GRIK1: variants seen among roughly 807,000 people sequenced by gnomAD.
The protein encoded by GRIK1 is glutamate ionotropic receptor kainate type subunit 1.
GRIK1 carries 69 observed loss-of-function variants against 105.7 expected under a neutral mutation model. The observed-to-expected ratio is 0.65, with a 90% confidence interval of 0.54 to 0.80. GRIK1 has a LOEUF of 0.80. Ranked by LOEUF, GRIK1 falls within the 30% of genes least tolerant of loss-of-function variation. The pLI is 0.00. For synonymous variants in GRIK1, 438 were observed against 431.3 expected (o/e 1.02, Z -0.19); for missense variants, 1,109 against 1,167.3 (o/e 0.95, Z 0.73).
intron 1 of GRIK1, among the ~76,000 whole-genome samples, chr21:29,924,350 A>G (rs1000342122): frequency 2.0e-5 from 3 of 150,414 alleles, no homozygotes; most frequent in South Asian, 4.2e-4. Context: ...AAAAAAAAAG[A>G]AAAAAAAGAA....
intron 4 of GRIK1, among the ~76,000 whole-genome samples, chr21:29,672,542 T>C (rs570375435): frequency 6.6e-6 from 1 of 152,314 alleles, no homozygotes; most frequent in African/African-American, 2.4e-5. Flanking sequence ...CCTGTATACC[T>C]TTTTTATTGT....
chr21:29,736,787 C>T (rs2064802806), intron 1 of GRIK1, among the ~76,000 whole-genome samples: 1 of 151,094 alleles, frequency 6.6e-6, no homozygotes. Context: ...AAGCAATTCT[C>T]CTGCCTCAGT....
chr21:29,899,541 C>CTT (rs59280454), intron 1 of GRIK1, among the ~76,000 whole-genome samples: 2 of 146,230 alleles, frequency 1.4e-5, no homozygotes, highest in Admixed American at 6.9e-5. Flanking sequence ...GCTGCTTTAC[C>CTT]TTTTTTTTTT....
At chr21:29,689,285 C>T (rs1391423555) in intron 3 of GRIK1, among the ~76,000 whole-genome samples, 1 of 152,150 alleles carries the variant, frequency 6.6e-6, no homozygotes, top group South Asian at 2.1e-4. Context: ...ATAATCCACT[C>T]TATTGGTACA....
At chr21:29,702,499 G>T (rs1263284160) in intron 1 of GRIK1, among the ~76,000 whole-genome samples, 1 of 151,684 alleles carries the variant, frequency 6.6e-6, no homozygotes, top group Non-Finnish European at 1.5e-5. Flanking sequence ...GTCACTTGAG[G>T]TCAGGAGTTT....
intron 1 of GRIK1, among the ~76,000 whole-genome samples, chr21:29,734,404 TTC>T (rs1296314721): frequency 5.0e-5 from 2 of 40,298 alleles, no homozygotes; most frequent in Non-Finnish European, 1.2e-4. Flanking sequence ...TTCTTTTCTT[TTC>T]TTTTCTTTTC....
intron 12 of GRIK1, among the ~76,000 whole-genome samples, chr21:29,586,299 T>G (rs2091129918): frequency 6.6e-6 from 1 of 152,214 alleles, no homozygotes; most frequent in Non-Finnish European, 1.5e-5. Flanking sequence ...GAGCACATGT[T>G]GATTCAGTTT....
At chr21:29,816,202 A>G (rs2067150329) in intron 1 of GRIK1, among the ~76,000 whole-genome samples, 1 of 152,118 alleles carries the variant, frequency 6.6e-6, no homozygotes, top group Non-Finnish European at 1.5e-5. Context: ...AATATAATCA[A>G]CATAATTAAT....
intron 1 of GRIK1, among the ~76,000 whole-genome samples, chr21:29,718,457 T>C (rs935454654): frequency 2.6e-5 from 4 of 152,170 alleles, no homozygotes; most frequent in African/African-American, 9.7e-5. Context: ...CCTTGGAAAA[T>C]ACATCATGAG....
At chr21:29,908,874 A>T (rs2070727142) in intron 1 of GRIK1, among the ~76,000 whole-genome samples, 1 of 152,138 alleles carries the variant, frequency 6.6e-6, no homozygotes, top group African/African-American at 2.4e-5. Context: ...CTGTTCATAA[A>T]TTATTCAATG....
intron 10 of GRIK1, among the ~76,000 whole-genome samples, chr21:29,590,068 C>T (rs562680516): frequency 3.9e-5 from 6 of 152,116 alleles, no homozygotes; most frequent in Non-Finnish European, 8.8e-5. Flanking sequence ...CTTGTTAATT[C>T]TCATTTGACT....
chr21:29,644,501 G>A (rs2062578011), intron 6 of GRIK1, among the ~76,000 whole-genome samples: 1 of 152,174 alleles, frequency 6.6e-6, no homozygotes, highest in African/African-American at 2.4e-5. Context: ...ATAGTTTTAA[G>A]AAAAAGCATT....
At chr21:29,853,336 C>T (rs1424957860) in intron 1 of GRIK1, among the ~76,000 whole-genome samples, 1 of 152,166 alleles carries the variant, frequency 6.6e-6, no homozygotes, top group African/African-American at 2.4e-5. Context: ...TTCCGTACAT[C>T]GTAGGATATG....
intron 1 of GRIK1, among the ~76,000 whole-genome samples, chr21:29,920,772 T>C (rs1237487221): frequency 1.3e-5 from 2 of 152,012 alleles, no homozygotes; most frequent in Non-Finnish European, 2.9e-5. Flanking sequence ...CTGTAGTGTC[T>C]GTTTTGTGTT....
rs1478252064 is a variant in GRIK1 at position 29,537,850 on chromosome 21, C to T, written c.2642G>A (p.Arg881Lys). The T allele has an allele frequency of 6.7e-6, 10 of 1,503,306 alleles. No individual in the cohort carries two copies. Among genetic ancestry groups the T allele is most frequent in the Non-Finnish European group, 9.2e-6 (10 of 1,084,124 alleles). 93.1% of individuals were successfully genotyped at this position (1,503,306 alleles called of 1,614,324 possible). A position where few individuals can be genotyped will look rare whatever the true frequency, so the allele number is the denominator to read the frequency against. Reference protein sequence around the residue: ...GKSSRIRFYFRNKVRFHGRKK... With the variant: ...GKSSRIRFYFKNKVRFHGRKK... ...TCTCCCATGAAACCTTACTTTGTTCCTAAAATAAAATCTAATTCTTGATGA... is the reference window on the plus strand; with the variant it reads ...TCTCCCATGAAACCTTACTTTGTTCTTAAAATAAAATCTAATTCTTGATGA... Residue 881 changes from arginine to lysine, a missense_variant, in exon 17 of 18, where the codon AGG becomes AAG. Physicochemically the swap from Arg to Lys is conservative, Grantham distance 26 (BLOSUM62 2). Transcript: ENST00000327783.
rs371144196 is a variant in GRIK1, at chr21:29,607,643, AT to A, written c.1099-8707del. ...GTGCATATTTGACCACATTTAATTG[AT>A]TTTTTTAAAAATTAGCTTAAATAGC... On this transcript the variant is annotated intron_variant, in intron 7 of 17. Transcript: ENST00000327783. 2.8e-3 allele frequency among the ~76,000 whole-genome samples: 427 copies of A among 152,258 alleles called. 3 individuals carry two copies. The highest frequency in any genetic ancestry group is 9.6e-3 in the African/African-American group (399 of 41,576).
In GRIK1 at chr21:29,689,767, T is replaced by G. The variant is rs1325198720; in HGVS notation, c.505A>C (p.Asn169His). Residue 169 changes from asparagine (N) to histidine (H), a missense_variant, in exon 3 of 18, where the codon AAC becomes CAC. By Grantham distance (68) the Asn-to-His change is moderately conservative. Around this residue, in one of 5 missense-constraint regions of GRIK1, gnomAD observed 612 missense variants for 586.0 expected, o/e 1.04. Coordinates refer to ENST00000327783, the MANE Select transcript of GRIK1 (RefSeq NM_001330994.2). The stretch of plus-strand genomic sequence containing the variant: ...TACACCACTGTCACTGTTTTCCAGT[T>G]GTAATAGAGGACCAGATCCAGGATC... ...RAILDLVLYY[N>H]WKTVTVVYED... 4 of 1,613,776 alleles carry G rather than the reference T, an allele frequency of 2.5e-6. No individual in the cohort carries two copies. In the African/African-American group the frequency reaches 4.0e-5, roughly 16 times the overall value.
chr21:29,885,246 G>A (rs2069567732), intron 1 of GRIK1, among the ~76,000 whole-genome samples: 1 of 151,988 alleles, frequency 6.6e-6, no homozygotes, highest in African/African-American at 2.4e-5. Flanking sequence ...TCAGGGCAAT[G>A]GACGTTGTAT....
chr21:29,727,577 T>A, intron 1 of GRIK1, among the ~76,000 whole-genome samples: 1 of 151,858 alleles, frequency 6.6e-6, no homozygotes, highest in East Asian at 1.9e-4. Flanking sequence ...GAGAGATAGG[T>A]TTATAAACGG....
Sources: allele counts gnomAD v4.1 joint callset (sites outside exome capture counted in the v4.1 genomes callset), GRCh38; gene constraint gnomAD v4.1.1; regional missense constraint gnomAD v4.1.1; transcripts MANE v1.5; gene names NCBI Gene and HGNC (gene_info 2026-07-23, HGNC 2026-07-21).